The following ANO4 variants were observed in gnomAD, a reference collection of about 807,000 sequenced individuals.
The protein encoded by ANO4 is anoctamin 4, also known as anoctamin-4.
Under a neutral mutation model 141.9 loss-of-function variants are expected in ANO4, and 69 were observed. The observed-to-expected ratio is 0.49, with a 90% CI of 0.40 to 0.59. The LOEUF (loss-of-function observed/expected upper bound fraction) is 0.59, where lower values mean the gene tolerates loss of function less well. Among genes scored for constraint, ANO4 ranks in the 20% least tolerant of loss-of-function variants. ANO4 has a pLI of 0.00. For synonymous variants in ANO4, 350 were observed against 394.3 expected (o/e 0.89, Z 1.33); for missense variants, 894 against 1,162.2 (o/e 0.77, Z 3.36).
intron 3 of ANO4, among the ~76,000 whole-genome samples, chr12:100,788,945 G>A (rs1173118539): frequency 1.3e-5 from 2 of 152,082 alleles, no homozygotes; most frequent in Non-Finnish European, 2.9e-5. Flanking sequence ...AGCCATTCCA[G>A]GATCTAAGGA....
At chr12:100,936,298 C>G (rs1439877305) in intron 3 of ANO4, among the ~76,000 whole-genome samples, 2 of 152,162 alleles carry the variant, frequency 1.3e-5, no homozygotes, top group Non-Finnish European at 2.9e-5. Context: ...CTGGATCACT[C>G]TGTGGTAGGG....
chr12:100,982,415 T>C (rs2044508285), intron 7 of ANO4, among the ~76,000 whole-genome samples: 1 of 152,204 alleles, frequency 6.6e-6, no homozygotes, highest in African/African-American at 2.4e-5. Flanking sequence ...CTTTAACATA[T>C]CTAAGTAAAT....
chr12:100,883,427 T>C (rs1188775903), intron 1 of ANO4, among the ~76,000 whole-genome samples: 1 of 152,218 alleles, frequency 6.6e-6, no homozygotes, highest in East Asian at 1.9e-4. Context: ...AATAAAACTT[T>C]ATTTACAAAA....
intron 3 of ANO4, among the ~76,000 whole-genome samples, chr12:100,783,427 C>T (rs991584848): frequency 6.6e-6 from 1 of 152,132 alleles, no homozygotes; most frequent in African/African-American, 2.4e-5. Context: ...GCTGGACATT[C>T]GTAAGACCTT....
intron 14 of ANO4, among the ~76,000 whole-genome samples, chr12:101,056,175 G>A (rs900491702): frequency 1.3e-5 from 2 of 152,158 alleles, no homozygotes; most frequent in African/African-American, 4.8e-5. Flanking sequence ...CAAAAAAAGT[G>A]TTGATATTTT....
chr12:100,941,956 A>C (rs2042536417), intron 4 of ANO4, among the ~76,000 whole-genome samples: 1 of 112,048 alleles, frequency 8.9e-6, no homozygotes, highest in Non-Finnish European at 1.8e-5. Flanking sequence ...ACAATGAAAA[A>C]AATTATTATT....
At chr12:100,964,097 T>C (rs2043543748) in intron 5 of ANO4, among the ~76,000 whole-genome samples, 1 of 152,184 alleles carries the variant, frequency 6.6e-6, no homozygotes, top group South Asian at 2.1e-4. Flanking sequence ...GCCAACTGTA[T>C]ACATTGTGCA....
At chr12:100,732,204 C>T (rs1472457896) in intron 1 of ANO4, among the ~76,000 whole-genome samples, 1 of 152,166 alleles carries the variant, frequency 6.6e-6, no homozygotes, top group East Asian at 1.9e-4. Flanking sequence ...TTTGTATTCT[C>T]ACCAGCAATA....
chr12:100,801,282 C>G (rs1193159705), intron 1 of ANO4, among the ~76,000 whole-genome samples: 1 of 152,108 alleles, frequency 6.6e-6, no homozygotes, highest in African/African-American at 2.4e-5. Flanking sequence ...AGCTTCTGCT[C>G]TATGTGGAGA....
At chr12:100,984,012 C>A (rs1566088737) in intron 7 of ANO4, among the ~76,000 whole-genome samples, 3 of 152,122 alleles carry the variant, frequency 2.0e-5, no homozygotes, top group Non-Finnish European at 2.9e-5. Flanking sequence ...GGACAACATG[C>A]CTTGTCCACC....
chr12:101,005,934 T>C (rs2136423705), intron 8 of ANO4, among the ~76,000 whole-genome samples: 1 of 152,298 alleles, frequency 6.6e-6, no homozygotes, highest in East Asian at 1.9e-4. Context: ...CCTCCTCCTC[T>C]TCTTCCAGAA....
At chr12:100,733,829 C>T in exon 2 of ANO4, 1 of 702,240 alleles carries the variant, frequency 1.4e-6, no homozygotes, top group South Asian at 1.5e-5. Context: ...CGGGCAGCTA[C>T]TACAGTTGTG....
chr12:100,781,434 G>A (rs952923407), intron 3 of ANO4, among the ~76,000 whole-genome samples: 1 of 152,078 alleles, frequency 6.6e-6, no homozygotes, highest in Non-Finnish European at 1.5e-5. Context: ...CTTACATGCT[G>A]TATCAGTGAG....
At chr12:100,792,650 A>T (rs1001811148), upstream of ANO4, among the ~76,000 whole-genome samples, 3 of 152,184 alleles carry the variant, frequency 2.0e-5, no homozygotes, top group Non-Finnish European at 2.9e-5. Flanking sequence ...ATTTTTATTG[A>T]TCAATTGTCA....
chr12:100,879,077 A>G (rs573555004), intron 1 of ANO4, among the ~76,000 whole-genome samples: 26 of 152,068 alleles, frequency 1.7e-4, no homozygotes, highest in Non-Finnish European at 3.2e-4. Context: ...AGAGTGTTAA[A>G]TGAATAAAGG....
chr12:100,872,825 A>G (rs916612766), intron 1 of ANO4, among the ~76,000 whole-genome samples: 1 of 152,208 alleles, frequency 6.6e-6, no homozygotes, highest in Non-Finnish European at 1.5e-5. Context: ...AGTATATTCT[A>G]TCCTGATGTG....
At chr12:101,086,125 T>TGTGTGTGTG (rs1566228195) in intron 16 of ANO4, among the ~76,000 whole-genome samples, 66 of 134,804 alleles carry the variant, frequency 4.9e-4, no homozygotes, top group Non-Finnish European at 7.3e-4. Flanking sequence ...TGTGTGTGTG[T>TGTGTGTGTG]TCGGCAAGAG....
At position 101,096,614 on chromosome 12, in the gene ANO4, G is replaced by T. The variant is rs1307785583; in HGVS notation, c.1817G>T (p.Ser606Ile). The change falls in exon 19 of 28, where the codon AGC becomes ATC. Residue 606 changes from serine (S) to isoleucine (I), a missense_variant. By Grantham distance (142) the Ser-to-Ile change is moderately radical. Transcript: ENST00000392977. ...CTTTTTCAGTTTGTCAATCTGAACA[G>T]CTCCACATTTTACATCGCATTCTTC... is the stretch of plus-strand genomic sequence containing the variant. ...MFLFQFVNLNSSTFYIAFFLG... is the reference protein window; with the variant it reads ...MFLFQFVNLNISTFYIAFFLG... 2 of 1,613,494 alleles carry T rather than the reference G, an allele frequency of 1.2e-6. No homozygotes were observed. The highest frequency in any genetic ancestry group is 1.7e-6 in the Non-Finnish European group (2 of 1,179,602).
intron 1 of ANO4, among the ~76,000 whole-genome samples, chr12:100,859,632 A>G (rs149148956): frequency 1.4e-4 from 21 of 152,310 alleles, no homozygotes; most frequent in African/African-American, 4.6e-4. Flanking sequence ...TTCACTCAAA[A>G]AGAATGTATT....
Sources: gnomAD v4.1 joint callset for allele counts (sites outside exome capture counted in the v4.1 genomes callset) on GRCh38, gnomAD v4.1.1 for gene constraint, MANE v1.5 for transcripts, NCBI Gene and HGNC (gene_info 2026-07-23, HGNC 2026-07-21) for gene names.